The following HS6ST3 variants were observed in gnomAD, a reference collection of about 807,000 sequenced individuals.
HS6ST3 encodes the protein heparan-sulfate 6-O-sulfotransferase 3.
In HS6ST3, 12 loss-of-function variants were observed where a neutral mutation model predicts 36.7. That is an observed-to-expected ratio of 0.33 (90% CI 0.21 to 0.53). HS6ST3 has a LOEUF of 0.53. Ranked by LOEUF, HS6ST3 falls within the 20% of genes least tolerant of loss-of-function variation. The pLI is 0.95. For synonymous variants in HS6ST3, 240 were observed against 257.5 expected (o/e 0.93, Z 0.65); for missense variants, 584 against 640.9 (o/e 0.91, Z 0.96).
At chr13:96,697,337 A>G (rs1246217002) in intron 1 of HS6ST3, among the ~76,000 whole-genome samples, 1 of 152,088 alleles carries the variant, frequency 6.6e-6, no homozygotes, top group Non-Finnish European at 1.5e-5. Context: ...AAAATATGAG[A>G]TAAAATGTTA....
chr13:96,803,513 G>T (rs969858873), intron 1 of HS6ST3, among the ~76,000 whole-genome samples: 1 of 152,122 alleles, frequency 6.6e-6, no homozygotes, highest in Non-Finnish European at 1.5e-5. Context: ...ACCCAGAGGG[G>T]CAGGTGAGAA....
chr13:96,358,676 G>A (rs2055221992), intron 1 of HS6ST3, among the ~76,000 whole-genome samples: 1 of 152,024 alleles, frequency 6.6e-6, no homozygotes, highest in Non-Finnish European at 1.5e-5. Context: ...ATATTTGGGG[G>A]CTTTGGGAAC....
chr13:96,792,681 A>G (rs939600758), intron 1 of HS6ST3, among the ~76,000 whole-genome samples: 2 of 151,996 alleles, frequency 1.3e-5, no homozygotes, highest in African/African-American at 4.8e-5. Context: ...AAGGAGGACT[A>G]TTGACCTTGA....
intron 1 of HS6ST3, among the ~76,000 whole-genome samples, chr13:96,740,251 A>G (rs1876404422): frequency 6.6e-6 from 1 of 152,140 alleles, no homozygotes; most frequent in Non-Finnish European, 1.5e-5. Flanking sequence ...ACACATATAG[A>G]GTGCTCAGTA....
chr13:96,642,434 A>G (rs2056573604), intron 1 of HS6ST3, among the ~76,000 whole-genome samples: 1 of 151,332 alleles, frequency 6.6e-6, no homozygotes, highest in Non-Finnish European at 1.5e-5. Flanking sequence ...TTCCCATCAA[A>G]TTTGGAAGTT....
chr13:96,488,761 TA>T (rs1399946022), intron 1 of HS6ST3, among the ~76,000 whole-genome samples: 1 of 152,036 alleles, frequency 6.6e-6, no homozygotes, highest in African/African-American at 2.4e-5. Flanking sequence ...TGCATGTAAT[TA>T]AAAAAATATT....
intron 1 of HS6ST3, among the ~76,000 whole-genome samples, chr13:96,412,053 G>T (rs2055510313): frequency 6.6e-6 from 1 of 151,974 alleles, no homozygotes; most frequent in African/African-American, 2.4e-5. Flanking sequence ...TAGCCAGGCT[G>T]CAGTGCAGTG....
At chr13:96,295,642 G>A (rs965811225) in intron 1 of HS6ST3, among the ~76,000 whole-genome samples, 6 of 152,012 alleles carry the variant, frequency 3.9e-5, no homozygotes, top group African/African-American at 7.2e-5. Flanking sequence ...GTATGCTCCC[G>A]TGTGTCTTAT....
At chr13:96,440,944 A>T (rs2055668000) in intron 1 of HS6ST3, among the ~76,000 whole-genome samples, 2 of 152,198 alleles carry the variant, frequency 1.3e-5, no homozygotes, top group South Asian at 4.1e-4. Flanking sequence ...TCCAATTCTT[A>T]TGTTGAAACC....
intron 1 of HS6ST3, among the ~76,000 whole-genome samples, chr13:96,777,712 T>C (rs2138511735): frequency 6.6e-6 from 1 of 152,270 alleles, no homozygotes; most frequent in South Asian, 2.1e-4. Flanking sequence ...TGTTCATGGA[T>C]AGGAAGAATC....
intron 1 of HS6ST3, among the ~76,000 whole-genome samples, chr13:96,405,856 C>G (rs767826428): frequency 1.2e-4 from 18 of 152,146 alleles, no homozygotes; most frequent in Non-Finnish European, 2.6e-4. Flanking sequence ...AGGAGTCATT[C>G]AAATTCATAA....
intron 1 of HS6ST3, among the ~76,000 whole-genome samples, chr13:96,118,464 T>A (rs1428755682): frequency 6.6e-6 from 1 of 151,786 alleles, no homozygotes; most frequent in Non-Finnish European, 1.5e-5. Flanking sequence ...AAGTTTGTAG[T>A]GCTTTGTAAT....
intron 1 of HS6ST3, among the ~76,000 whole-genome samples, chr13:96,367,906 G>A (rs1252530710): frequency 1.3e-5 from 2 of 152,092 alleles, no homozygotes; most frequent in African/African-American, 4.8e-5. Context: ...ACTGAGCAGC[G>A]TTCTTTCAAC....
At chr13:96,225,416 GT>G (rs576644026) in intron 1 of HS6ST3, among the ~76,000 whole-genome samples, 341 of 152,220 alleles carry the variant, frequency 2.2e-3, no homozygotes, top group Admixed American at 3.4e-3. Flanking sequence ...TTTAAGTATT[GT>G]TTTTTTCCCC....
intron 1 of HS6ST3, among the ~76,000 whole-genome samples, chr13:96,662,002 A>G (rs917424888): frequency 3.9e-5 from 6 of 152,074 alleles, no homozygotes; most frequent in Admixed American, 2.6e-4. Flanking sequence ...AGATAATTTG[A>G]TGCTTCTCTC....
At position 96,836,392 on chromosome 13, in the gene HS6ST3, C is replaced by G. The variant is rs1350757561; in HGVS notation, c.*3194C>G. 6.6e-6 allele frequency: 1 copy of G among 152,128 alleles called. No individual in the cohort carries two copies. The highest frequency in any genetic ancestry group is 1.9e-4 in the East Asian group (1 of 5,180). 9.4% of individuals were successfully genotyped at this position (152,128 alleles called of 1,614,324 possible). ...ACACACTTATCTATTCTGTCTCCTT[C>G]TAGCTTTTAGGCAGCCTACTCTTGG... On this transcript the variant is annotated 3_prime_UTR_variant, in exon 2 of 2. Transcript: ENST00000376705.
intron 1 of HS6ST3, among the ~76,000 whole-genome samples, chr13:96,525,594 TTTAA>T (rs1457108164): frequency 2.0e-5 from 3 of 152,350 alleles, no homozygotes; most frequent in South Asian, 4.1e-4. Context: ...AATTCAGGTC[TTTAA>T]TTATCTGTTT....
At chr13:96,342,868 C>T (rs1427943255) in intron 1 of HS6ST3, among the ~76,000 whole-genome samples, 2 of 152,178 alleles carry the variant, frequency 1.3e-5, no homozygotes, top group Non-Finnish European at 2.9e-5. Context: ...ATCTGTGACT[C>T]ATTTGGAGAT....
At chr13:96,226,891 C>T (rs553309057) in intron 1 of HS6ST3, among the ~76,000 whole-genome samples, 10 of 152,288 alleles carry the variant, frequency 6.6e-5, no homozygotes, top group African/African-American at 2.4e-4. Flanking sequence ...GCCAGCTACT[C>T]TTAACATTAT....
Sources: allele counts gnomAD v4.1 joint callset (sites outside exome capture counted in the v4.1 genomes callset), GRCh38; gene constraint gnomAD v4.1.1; transcripts MANE v1.5; gene names NCBI Gene and HGNC (gene_info 2026-07-23, HGNC 2026-07-21).